Variants in FOXJ3 observed in about 807,000 individuals in gnomAD.
FOXJ3 encodes the protein forkhead box J3, also known as forkhead box protein J3.
In FOXJ3, 22 loss-of-function variants were observed where a neutral mutation model predicts 76.1. That is an observed-to-expected ratio of 0.29 (90% CI 0.21 to 0.41). The LOEUF (loss-of-function observed/expected upper bound fraction) is 0.41, where lower values mean the gene tolerates loss of function less well. Ranked by LOEUF, FOXJ3 falls within the 10% of genes least tolerant of loss-of-function variation. FOXJ3 has a pLI of 1.00. For synonymous variants in FOXJ3, 269 were observed against 261.2 expected (o/e 1.03, Z -0.29); for missense variants, 613 against 762.1 (o/e 0.80, Z 2.30).
Position 42,236,645 on chromosome 1 carries a change from G to A in FOXJ3, c.445-8679C>T, listed in dbSNP as rs145381970. On this transcript the variant is annotated intron_variant, in intron 4 of 12. Coordinates refer to ENST00000361346, the MANE Select transcript of FOXJ3 (RefSeq NM_014947.5). ...ACAGAACACTAAAAATCTCCTTTGC[G>A]TGACTCAGGAAGCAATTCCCTTTCC... Among the ~76,000 whole-genome samples the A allele has an allele frequency of 2.3e-4, 35 of 152,290 alleles. No homozygotes were observed. The East Asian group carries it at 6.2e-3, about 27-fold the overall frequency.
chr1:42,324,565 C>T (rs773853683), intron 1 of FOXJ3, among the ~76,000 whole-genome samples: 26 of 151,930 alleles, frequency 1.7e-4, no homozygotes, highest in Non-Finnish European at 2.8e-4. Flanking sequence ...GATTTCATCA[C>T]TGTACAAACG....
chr1:42,330,789 T>C (rs1656112858), intron 1 of FOXJ3, among the ~76,000 whole-genome samples: 2 of 152,198 alleles, frequency 1.3e-5, no homozygotes, highest in African/African-American at 4.8e-5. Context: ...TAAGAAGACC[T>C]ACCTGCTCCA....
At chr1:42,249,896 A>C (rs1195913482) in intron 4 of FOXJ3, among the ~76,000 whole-genome samples, 1 of 152,236 alleles carries the variant, frequency 6.6e-6, no homozygotes, top group East Asian at 1.9e-4. Context: ...AAAAAGGAAA[A>C]TAACTTCCTT....
chr1:42,284,265 C>T (rs566523494), intron 2 of FOXJ3, among the ~76,000 whole-genome samples: 120 of 152,206 alleles, frequency 7.9e-4, no homozygotes, highest in South Asian at 5.6e-3. Context: ...CCGATACTGA[C>T]GGTTGGAAAG....
intron 4 of FOXJ3, among the ~76,000 whole-genome samples, chr1:42,260,400 T>A (rs954100738): frequency 6.6e-6 from 1 of 152,140 alleles, no homozygotes; most frequent in African/African-American, 2.4e-5. Flanking sequence ...AGAATAGGAA[T>A]AGAAAAAAAT....
chr1:42,227,241 T>C (rs1647647603), intron 5 of FOXJ3, among the ~76,000 whole-genome samples: 1 of 152,208 alleles, frequency 6.6e-6, no homozygotes, highest in Non-Finnish European at 1.5e-5. Context: ...GTAGGATGGA[T>C]ATGTGTTTGT....
In FOXJ3 at chr1:42,191,462, G is replaced by C. The variant is rs757659921; in HGVS notation, c.1192C>G (p.Pro398Ala). Residue 398 changes from proline to alanine, a missense_variant, in exon 9 of 13, where the codon CCA (proline) becomes GCA (alanine). Transcript: ENST00000361346. Reference protein sequence around the residue: ...HGLPQHPQRSPHPAPHPQQHS... With the variant: ...HGLPQHPQRSAHPAPHPQQHS... ...TGCTGTGGGTGTGGTGCTGGGTGTG[G>C]GGAACGCTGCGGATGCTGCGGTAAA... is the stretch of plus-strand genomic sequence containing the variant. 1.9e-6 allele frequency: 3 copies of C among 1,613,610 alleles called. No homozygotes were observed. The highest frequency in any genetic ancestry group is 2.2e-5 in the East Asian group (1 of 44,870).
chr1:42,241,211 T>C (rs1298266232), intron 4 of FOXJ3, among the ~76,000 whole-genome samples: 3 of 152,102 alleles, frequency 2.0e-5, no homozygotes, highest in Non-Finnish European at 4.4e-5. Context: ...GGGAGCTTCC[T>C]GACAGCTCCA....
intron 4 of FOXJ3, among the ~76,000 whole-genome samples, chr1:42,240,343 G>A (rs1489591270): frequency 6.6e-6 from 1 of 152,070 alleles, no homozygotes; most frequent in South Asian, 2.1e-4. Flanking sequence ...TGGCTTTTTT[G>A]CAGATATTGA....
chr1:42,318,630 C>A (rs1208063236), intron 1 of FOXJ3, among the ~76,000 whole-genome samples: 1 of 152,176 alleles, frequency 6.6e-6, no homozygotes, highest in Non-Finnish European at 1.5e-5. Flanking sequence ...CAGGCGTGAG[C>A]CACTGCACTC....
At chr1:42,265,858 A>G (rs1034112715) in intron 3 of FOXJ3, among the ~76,000 whole-genome samples, 6 of 152,216 alleles carry the variant, frequency 3.9e-5, no homozygotes, top group African/African-American at 1.4e-4. Flanking sequence ...TCATTGTAGC[A>G]GGGAAGAACA....
chr1:42,250,798 CAAAAAAAAAAA>C (rs61431089), intron 4 of FOXJ3, among the ~76,000 whole-genome samples: 9 of 23,772 alleles, frequency 3.8e-4, no homozygotes, highest in African/African-American at 1.2e-3. Flanking sequence ...AACTCCATCT[CAAAAAAAAAAA>C]AAAAAAAAAA....
At chr1:42,290,205 C>T (rs1263898383) in intron 2 of FOXJ3, among the ~76,000 whole-genome samples, 2 of 152,020 alleles carry the variant, frequency 1.3e-5, no homozygotes, top group Non-Finnish European at 2.9e-5. Context: ...CACCACCAGT[C>T]AATTCATTGG....
intron 5 of FOXJ3, among the ~76,000 whole-genome samples, chr1:42,224,041 T>C (rs978704397): frequency 6.6e-6 from 1 of 152,252 alleles, no homozygotes; most frequent in Non-Finnish European, 1.5e-5. Flanking sequence ...ATTTGACACA[T>C]AAATTCAGCA....
chr1:42,306,788 C>T (rs1014179957), intron 2 of FOXJ3, among the ~76,000 whole-genome samples: 10 of 152,162 alleles, frequency 6.6e-5, no homozygotes, highest in African/African-American at 2.4e-4. Flanking sequence ...GTTTAAAAAA[C>T]TTTTGAGGAT....
chr1:42,335,558 TG>T (rs1656447833), upstream of FOXJ3: 1 of 152,320 alleles, frequency 6.6e-6, no homozygotes, highest in Non-Finnish European at 1.5e-5. Context: ...CACGGATACC[TG>T]GGGCCCCATG....
At chr1:42,209,990 G>A (rs200008523) in intron 5 of FOXJ3, among the ~76,000 whole-genome samples, 1 of 152,166 alleles carries the variant, frequency 6.6e-6, no homozygotes, top group African/African-American at 2.4e-5. Flanking sequence ...TCTTGGCTGG[G>A]AAGGCTTATA....
chr1:42,255,148 A>C (rs1053518306), intron 4 of FOXJ3, among the ~76,000 whole-genome samples: 1 of 152,234 alleles, frequency 6.6e-6, no homozygotes, highest in Admixed American at 6.5e-5. Flanking sequence ...CGGTATAAGT[A>C]GAAGCACAAG....
intron 1 of FOXJ3, among the ~76,000 whole-genome samples, chr1:42,326,683 T>A (rs1179398831): frequency 6.6e-6 from 1 of 152,214 alleles, no homozygotes; most frequent in South Asian, 2.1e-4. Context: ...CAGATTCAAG[T>A]AAAAATGCTT....
Sources: gnomAD v4.1 joint callset for allele counts (sites outside exome capture counted in the v4.1 genomes callset) on GRCh38, gnomAD v4.1.1 for gene constraint, MANE v1.5 for transcripts, NCBI Gene and HGNC (gene_info 2026-07-23, HGNC 2026-07-21) for gene names.